The following SCAPER variants were observed in gnomAD, a reference collection of about 807,000 sequenced individuals.
SCAPER encodes S-phase cyclin A associated protein in the ER.
A neutral mutation model predicts 182.2 loss-of-function variants in SCAPER; 98 were observed. That is an observed-to-expected ratio of 0.54 (90% confidence interval 0.46 to 0.64). The LOEUF (loss-of-function observed/expected upper bound fraction) is 0.64. SCAPER is among the 30% of genes least tolerant of loss of function. SCAPER has a pLI of 0.00. For missense variants in SCAPER, 1,432 were observed against 1,690.0 expected, an observed-to-expected ratio of 0.85 and a Z score of 2.68; for synonymous variants, 605 against 564.6, an observed-to-expected ratio of 1.07 and a Z score of -1.01.
intron 26 of SCAPER, among the ~76,000 whole-genome samples, chr15:76,420,025 A>C (rs116772419): frequency 0.011 from 1,628 of 152,270 alleles, 38 homozygotes; most frequent in African/African-American, 0.037. Context: ...AACAGAAAGA[A>C]AGACAAAAAC....
At chr15:76,582,469 C>G (rs1169626238) in intron 22 of SCAPER, among the ~76,000 whole-genome samples, 1 of 152,120 alleles carries the variant, frequency 6.6e-6, no homozygotes, top group Non-Finnish European at 1.5e-5. Flanking sequence ...AAAAGGCATT[C>G]CATGTTGATA....
At chr15:76,799,238 ATGAT>A (rs1272270016) in intron 7 of SCAPER, among the ~76,000 whole-genome samples, 1 of 152,012 alleles carries the variant, frequency 6.6e-6, no homozygotes, top group African/African-American at 2.4e-5. Context: ...ATTACTATTT[ATGAT>A]TGAATATATT....
intron 25 of SCAPER, among the ~76,000 whole-genome samples, chr15:76,468,955 C>T (rs2049910994): frequency 6.6e-6 from 1 of 152,076 alleles, no homozygotes; most frequent in Non-Finnish European, 1.5e-5. Flanking sequence ...AGGGCCCTCA[C>T]CATAACCTAT....
intron 20 of SCAPER, among the ~76,000 whole-genome samples, chr15:76,677,892 A>T (rs2057458934): frequency 6.6e-6 from 1 of 151,908 alleles, no homozygotes; most frequent in South Asian, 2.1e-4. Context: ...CAATAGGTTC[A>T]TGATCTTTGG....
intron 5 of SCAPER, among the ~76,000 whole-genome samples, chr15:76,830,112 G>A (rs1390535186): frequency 6.6e-6 from 1 of 152,114 alleles, no homozygotes; most frequent in Non-Finnish European, 1.5e-5. Context: ...GAGAAGGAGG[G>A]AAGAGTGTTC....
intron 24 of SCAPER, among the ~76,000 whole-genome samples, chr15:76,488,597 G>C (rs1045651740): frequency 6.6e-5 from 10 of 151,378 alleles, no homozygotes; most frequent in Admixed American, 6.6e-4. Flanking sequence ...TTATGTCAAC[G>C]TATCTGCAGT....
At chr15:76,785,036 T>C (rs1598723617) in intron 8 of SCAPER, among the ~76,000 whole-genome samples, 1 of 152,208 alleles carries the variant, frequency 6.6e-6, no homozygotes, top group East Asian at 1.9e-4. Context: ...AAATGGGATC[T>C]ACTTAAACTA....
chr15:76,413,007 T>A lies in SCAPER; in HGVS notation c.3312-8328A>T, dbSNP rs539928439. ...GCTTTTTATAAATGGTATTGTTTTT[T>A]AAATCTTGATTTCTATTTGTTGCTA... On this transcript the variant is annotated intron_variant, in intron 26 of 31. Transcript: ENST00000563290. 2.6e-5 allele frequency among the ~76,000 whole-genome samples: 4 copies of A among 152,332 alleles called. No homozygotes were observed. In the East Asian group the frequency reaches 7.7e-4, roughly 29 times the overall value.
Position 76,701,095 on chromosome 15 carries a change from T to TAA in SCAPER, c.2508+661_2508+662dup, listed in dbSNP as rs5813845. On this transcript the variant is annotated intron_variant, in intron 20 of 31. Transcript: ENST00000563290. ...GCTCTTGACTAATGAATGCCATACC[T>TAA]AAAAAAAAAAAAAAGTTCAATATAC... 2.5e-3 allele frequency among the ~76,000 whole-genome samples: 357 copies of TAA among 143,530 alleles called. 2 individuals carry two copies. Among genetic ancestry groups the TAA allele is most frequent in the Middle Eastern group, 3.6e-3 (1 of 278 alleles). 94.2% of individuals were successfully genotyped at this position (143,530 alleles called of 152,430 possible).
At chr15:76,853,329 G>A (rs896199711) in intron 4 of SCAPER, among the ~76,000 whole-genome samples, 131 of 152,186 alleles carry the variant, frequency 8.6e-4, no homozygotes, top group African/African-American at 2.2e-3. Flanking sequence ...CTCATTCTAC[G>A]AAGCCAGTAT....
At chr15:76,578,696 C>T (rs774291608) in intron 22 of SCAPER, among the ~76,000 whole-genome samples, 5 of 152,208 alleles carry the variant, frequency 3.3e-5, no homozygotes, top group Non-Finnish European at 7.4e-5. Context: ...TGGCCAATAG[C>T]TTAGGTTTCA....
At chr15:76,554,202 CA>C (rs2046006806) in intron 23 of SCAPER, among the ~76,000 whole-genome samples, 1 of 152,132 alleles carries the variant, frequency 6.6e-6, no homozygotes, top group Admixed American at 6.5e-5. Context: ...CAAGTATTAA[CA>C]GCACAATCAG....
At chr15:76,622,698 GA>G (rs1430068234) in intron 21 of SCAPER, among the ~76,000 whole-genome samples, 1 of 152,158 alleles carries the variant, frequency 6.6e-6, no homozygotes, top group African/African-American at 2.4e-5. Context: ...GACCTCATCT[GA>G]AAGGTGGGAA....
chr15:76,826,465 T>C (rs988503779), intron 5 of SCAPER, among the ~76,000 whole-genome samples: 6 of 147,144 alleles, frequency 4.1e-5, no homozygotes, highest in Non-Finnish European at 3.0e-5. Flanking sequence ...TAATGCTAGA[T>C]GACGAGTGAG....
chr15:76,415,114 C>CT (rs536281780), intron 26 of SCAPER, among the ~76,000 whole-genome samples: 1 of 152,098 alleles, frequency 6.6e-6, no homozygotes, highest in Non-Finnish European at 1.5e-5. Context: ...AGCTATCAGA[C>CT]TGACAAAAAC....
At chr15:76,891,033 G>A (rs998579959) in intron 1 of SCAPER, among the ~76,000 whole-genome samples, 1 of 152,088 alleles carries the variant, frequency 6.6e-6, no homozygotes, top group African/African-American at 2.4e-5. Flanking sequence ...ATCAATAAAC[G>A]TAATCCATCA....
chr15:76,437,179 C>T (rs2047253339), intron 25 of SCAPER, among the ~76,000 whole-genome samples: 1 of 152,130 alleles, frequency 6.6e-6, no homozygotes, highest in African/African-American at 2.4e-5. Context: ...CCCAGGGCAC[C>T]TAAACTGCCT....
chr15:76,676,650 T>C (rs940757440), intron 20 of SCAPER, among the ~76,000 whole-genome samples: 17 of 152,010 alleles, frequency 1.1e-4, no homozygotes, highest in African/African-American at 3.9e-4. Flanking sequence ...TTATGGCACA[T>C]GCATTGAGAT....
At chr15:76,451,167 T>C (rs932197784) in intron 25 of SCAPER, among the ~76,000 whole-genome samples, 2 of 152,384 alleles carry the variant, frequency 1.3e-5, no homozygotes, top group South Asian at 2.1e-4. Context: ...AATGTTTCCA[T>C]GAATTCTGAA....
Sources: allele counts gnomAD v4.1 joint callset (sites outside exome capture counted in the v4.1 genomes callset), GRCh38; gene constraint gnomAD v4.1.1; transcripts MANE v1.5; gene names NCBI Gene and HGNC (gene_info 2026-07-23, HGNC 2026-07-21).